DCC: variants seen among roughly 807,000 people sequenced by gnomAD.
DCC encodes netrin receptor DCC.
In DCC, 58 loss-of-function variants were observed where a neutral mutation model predicts 172.5. That is an observed-to-expected ratio of 0.34 (90% CI 0.27 to 0.42). DCC has a LOEUF of 0.42. Ranked by LOEUF, DCC falls within the 10% of genes least tolerant of loss-of-function variation. DCC has a pLI of 1.00. For synonymous variants in DCC, 709 were observed against 644.5 expected (o/e 1.10, Z -1.52); for missense variants, 1,740 against 1,791.0 (o/e 0.97, Z 0.51).
intron 1 of DCC, among the ~76,000 whole-genome samples, chr18:52,736,896 A>T (rs2036738999): frequency 1.3e-5 from 2 of 152,102 alleles, no homozygotes; most frequent in South Asian, 4.1e-4. Context: ...TTATGGGGGA[A>T]CCCACATTTG....
intron 1 of DCC, among the ~76,000 whole-genome samples, chr18:52,380,293 T>C (rs776663910): frequency 3.9e-5 from 6 of 152,122 alleles, no homozygotes; most frequent in Non-Finnish European, 7.4e-5. Flanking sequence ...GTTTCTGCTC[T>C]GAGATAAATG....
At chr18:52,689,040 A>G (rs1465818020) in intron 1 of DCC, among the ~76,000 whole-genome samples, 2 of 152,196 alleles carry the variant, frequency 1.3e-5, no homozygotes, top group African/African-American at 4.8e-5. Flanking sequence ...TTCAGAAAGT[A>G]GCCTTATTAG....
intron 7 of DCC, among the ~76,000 whole-genome samples, chr18:53,077,598 C>T (rs532408554): frequency 1.2e-4 from 19 of 152,216 alleles, no homozygotes; most frequent in African/African-American, 4.6e-4. Flanking sequence ...ATGAGCAGTT[C>T]TGGTCAGTGG....
chr18:52,952,003 T>G (rs2040655953), intron 5 of DCC, among the ~76,000 whole-genome samples: 1 of 152,174 alleles, frequency 6.6e-6, no homozygotes, highest in South Asian at 2.1e-4. Flanking sequence ...GGTCTATAGA[T>G]GTAGATAAAA....
chr18:52,891,267 T>C (rs2039646467), intron 2 of DCC, among the ~76,000 whole-genome samples: 1 of 152,068 alleles, frequency 6.6e-6, no homozygotes, highest in South Asian at 2.1e-4. Context: ...CATTTTCTAC[T>C]AGACAGGCAG....
chr18:53,113,657 T>C (rs777867540), intron 7 of DCC, among the ~76,000 whole-genome samples: 1 of 151,450 alleles, frequency 6.6e-6, no homozygotes, highest in Non-Finnish European at 1.5e-5. Flanking sequence ...AAGTTTAGAA[T>C]GTAGATTACT....
chr18:52,979,612 C>T (rs1183608043), intron 5 of DCC, among the ~76,000 whole-genome samples: 1 of 152,160 alleles, frequency 6.6e-6, no homozygotes, highest in South Asian at 2.1e-4. Context: ...CAAAAACACC[C>T]CTCAGTCAAA....
intron 7 of DCC, among the ~76,000 whole-genome samples, chr18:53,149,831 T>G (rs1385419005): frequency 2.0e-5 from 3 of 152,214 alleles, no homozygotes; most frequent in Non-Finnish European, 2.9e-5. Context: ...TCTCTTTGTG[T>G]GGCCATAGGA....
intron 5 of DCC, among the ~76,000 whole-genome samples, chr18:52,926,870 CA>C (rs1476672593): frequency 7.0e-6 from 1 of 142,948 alleles, no homozygotes; most frequent in African/African-American, 2.6e-5. Flanking sequence ...TGTATATATA[CA>C]TATACATATA....
At chr18:52,609,366 G>A (rs1031218895) in intron 1 of DCC, among the ~76,000 whole-genome samples, 2 of 152,008 alleles carry the variant, frequency 1.3e-5, no homozygotes, top group Non-Finnish European at 2.9e-5. Context: ...TGAGACAGAC[G>A]AACAGAGGTT....
At chr18:52,518,230 G>A (rs1598882348) in intron 1 of DCC, among the ~76,000 whole-genome samples, 3 of 152,200 alleles carry the variant, frequency 2.0e-5, no homozygotes, top group East Asian at 3.8e-4. Context: ...ATGAGGCTGA[G>A]TAAATATGGG....
chr18:53,297,156 C>T (rs1300630766), intron 12 of DCC, among the ~76,000 whole-genome samples: 1 of 152,172 alleles, frequency 6.6e-6, no homozygotes, highest in Non-Finnish European at 1.5e-5. Context: ...TCCTCACTTA[C>T]TACTCTTGTA....
intron 2 of DCC, among the ~76,000 whole-genome samples, chr18:52,827,809 T>C (rs980556125): frequency 6.6e-6 from 1 of 152,224 alleles, no homozygotes; most frequent in Admixed American, 6.5e-5. Context: ...TCTTTGAATT[T>C]ACCCCTGAGG....
At chr18:52,770,345 T>C (rs2037320070) in intron 2 of DCC, among the ~76,000 whole-genome samples, 1 of 152,234 alleles carries the variant, frequency 6.6e-6, no homozygotes, top group African/African-American at 2.4e-5. Flanking sequence ...CTCTGTTCAT[T>C]CTTTAAAGCT....
At chr18:52,909,970 T>C (rs529506600) in intron 3 of DCC, among the ~76,000 whole-genome samples, 1 of 151,804 alleles carries the variant, frequency 6.6e-6, no homozygotes, top group Non-Finnish European at 1.5e-5. Context: ...ATAAAGAAAA[T>C]AGAGATCAAA....
At chr18:53,019,433 G>C (rs1030677345) in intron 5 of DCC, among the ~76,000 whole-genome samples, 1 of 152,044 alleles carries the variant, frequency 6.6e-6, no homozygotes, top group African/African-American at 2.4e-5. Flanking sequence ...ACTTTTCCTA[G>C]GGTTGGTACC....
intron 27 of DCC, among the ~76,000 whole-genome samples, chr18:53,521,708 G>A (rs1157723636): frequency 1.3e-5 from 2 of 152,114 alleles, no homozygotes; most frequent in African/African-American, 4.8e-5. Flanking sequence ...TGTTAAACAT[G>A]CATTGCATGT....
intron 15 of DCC, among the ~76,000 whole-genome samples, chr18:53,377,398 C>A (rs1599082218): frequency 8.8e-6 from 1 of 113,866 alleles, no homozygotes; most frequent in African/African-American, 3.1e-5. Flanking sequence ...AGGAAGAAGG[C>A]CAAACTCATC....
In DCC at chr18:53,207,579, T is replaced by C. The variant is rs113826004; in HGVS notation, c.1723-100T>C. 44 of 1,144,488 alleles carry C rather than the reference T, an allele frequency of 3.8e-5. 2 individuals carry two copies. Among genetic ancestry groups the C allele is most frequent in the Middle Eastern group, 5.1e-4 (2 of 3,894 alleles). The allele number at this position is 1,144,488 out of a possible 1,614,324, so 70.9% of individuals were successfully genotyped here. A position where few individuals can be genotyped will look rare whatever the true frequency, so the allele number is the denominator to read the frequency against. On this transcript the variant is annotated intron_variant, in intron 10 of 28. Transcript: ENST00000442544. The stretch of plus-strand genomic sequence containing the variant: ...CTCATTAGAAGGCTGGAGTGTAGTT[T>C]GTAAGAGTCTAATGTCCAATTCACT...
Sources: gnomAD v4.1 joint callset for allele counts (sites outside exome capture counted in the v4.1 genomes callset) on GRCh38, gnomAD v4.1.1 for gene constraint, MANE v1.5 for transcripts, NCBI Gene and HGNC (gene_info 2026-07-23, HGNC 2026-07-21) for gene names.